The following PLEKHG1 variants were observed in gnomAD, a reference collection of about 807,000 sequenced individuals.
PLEKHG1 encodes the protein pleckstrin homology and RhoGEF domain containing G1.
A neutral mutation model predicts 100.8 loss-of-function variants in PLEKHG1; 44 were observed. The observed-to-expected ratio is 0.44, with a 90% CI of 0.34 to 0.56. The LOEUF (loss-of-function observed/expected upper bound fraction) is 0.56, where lower values mean the gene tolerates loss of function less well. Among genes scored for constraint, PLEKHG1 ranks in the 20% least tolerant of loss-of-function variants. The pLI is 0.01. For missense variants in PLEKHG1, 1,545 were observed against 1,720.9 expected, an observed-to-expected ratio of 0.90 and a Z score of 1.81; for synonymous variants, 640 against 662.5, an observed-to-expected ratio of 0.97 and a Z score of 0.52.
chr6:150,770,781 C>T (rs1368386573), intron 3 of PLEKHG1, among the ~76,000 whole-genome samples: 1 of 152,204 alleles, frequency 6.6e-6, no homozygotes, highest in Non-Finnish European at 1.5e-5. Flanking sequence ...ACAGTTTCTC[C>T]TTCCAGAGTC....
At chr6:150,784,537 A>AAGGAATACATTGGAAAT (rs1266736783) in intron 3 of PLEKHG1, among the ~76,000 whole-genome samples, 3 of 152,236 alleles carry the variant, frequency 2.0e-5, no homozygotes, top group Non-Finnish European at 4.4e-5. Context: ...CTCCCAAAGG[A>AAGGAATACATTGGAAAT]AGGAATACAT....
At chr6:150,616,397 G>T (rs547892900) in intron 1 of PLEKHG1, among the ~76,000 whole-genome samples, 7 of 152,218 alleles carry the variant, frequency 4.6e-5, no homozygotes, top group African/African-American at 1.7e-4. Context: ...ATTAGAAGAT[G>T]TGGCAGTTGG....
At chr6:150,745,093 T>C (rs1054892408) in intron 2 of PLEKHG1, among the ~76,000 whole-genome samples, 1 of 152,176 alleles carries the variant, frequency 6.6e-6, no homozygotes, top group African/African-American at 2.4e-5. Context: ...GATTTTACCA[T>C]TATACAGGCA....
chr6:150,822,150 CAAAAAAAAAAAAAAAAA>C lies in PLEKHG1; in HGVS notation c.1447+929_1447+945del, dbSNP rs58672381. Among the ~76,000 whole-genome samples the C allele has an allele frequency of 1.8e-3, 66 of 36,750 alleles. 4 individuals carry two copies. The South Asian group carries it at 0.091, about 51-fold the overall frequency. The allele number at this position is 36,750 out of a possible 152,430, so 24.1% of individuals were successfully genotyped here. On this transcript the variant is annotated intron_variant, in intron 13 of 15. Transcript: ENST00000358517. ...GCCACCACGCCCAGCCCAAAGGACTCAAAAAAAAAAAAAAAAAAAAAAAAAAAAGAATAGGGCAGTTT... is the reference window on the plus strand; with the variant it reads ...GCCACCACGCCCAGCCCAAAGGACTCAAAAAAAAAAAGAATAGGGCAGTTT...
At position 150,801,942 on chromosome 6, in the gene PLEKHG1, A is replaced by G. The variant is rs367675798; in HGVS notation, c.780+1073A>G. On this transcript the variant is annotated intron_variant, in intron 6 of 15. Transcript: ENST00000358517. The stretch of plus-strand genomic sequence containing the variant: ...ACGTTGCCCACATTCACTGTGGCTC[A>G]CAAGCACTTGATAAAAGTAAGCTAT... Among the ~76,000 whole-genome samples, 46 of 152,362 alleles carry G rather than the reference A, an allele frequency of 3.0e-4. No homozygotes were observed. The East Asian group carries it at 4.0e-3, about 13-fold the overall frequency.
intron 15 of PLEKHG1, among the ~76,000 whole-genome samples, chr6:150,834,461 C>T (rs1777122176): frequency 6.6e-6 from 1 of 152,180 alleles, no homozygotes; most frequent in African/African-American, 2.4e-5. Context: ...CAGACTACCA[C>T]TGAAAAAGTA....
At chr6:150,682,565 C>G (rs906075527) in intron 3 of PLEKHG1, among the ~76,000 whole-genome samples, 1 of 151,990 alleles carries the variant, frequency 6.6e-6, no homozygotes, top group Non-Finnish European at 1.5e-5. Context: ...AAACTCTCAC[C>G]TTTATTGCTG....
At chr6:150,622,769 A>G (rs1777355427) in intron 1 of PLEKHG1, among the ~76,000 whole-genome samples, 1 of 152,216 alleles carries the variant, frequency 6.6e-6, no homozygotes, top group South Asian at 2.1e-4. Flanking sequence ...TTGCCACTGC[A>G]GGAGATTGGA....
rs371438577 is a variant in PLEKHG1 at position 150,758,076 on chromosome 6, A to G, written c.412-10562A>G. On this transcript the variant is annotated intron_variant, in intron 2 of 15. Transcript: ENST00000358517. The stretch of plus-strand genomic sequence containing the variant: ...GTACCACATTTTCTTTATCCAGTCT[A>G]TCATTGATGGGCATTTGGGTTGATT... 1.9e-3 allele frequency among the ~76,000 whole-genome samples: 289 copies of G among 152,248 alleles called. 2 individuals carry two copies. The highest frequency in any genetic ancestry group is 6.7e-3 in the African/African-American group (278 of 41,552).
At chr6:150,801,993 T>C (rs189641564) in intron 6 of PLEKHG1, among the ~76,000 whole-genome samples, 1 of 152,202 alleles carries the variant, frequency 6.6e-6, no homozygotes, top group Non-Finnish European at 1.5e-5. Context: ...TTATGATACA[T>C]TAAAATCCCC....
At chr6:150,834,339 T>G (rs900763991) in intron 15 of PLEKHG1, among the ~76,000 whole-genome samples, 3 of 152,278 alleles carry the variant, frequency 2.0e-5, no homozygotes, top group Non-Finnish European at 4.4e-5. Context: ...TATATGGCCT[T>G]AGAAACAGTT....
At chr6:150,709,110 G>A (rs1781146565) in intron 3 of PLEKHG1, among the ~76,000 whole-genome samples, 1 of 152,180 alleles carries the variant, frequency 6.6e-6, no homozygotes, top group African/African-American at 2.4e-5. Flanking sequence ...GAGGCGGACG[G>A]AACACAAGGT....
chr6:150,649,370 A>C (rs1420551892), intron 2 of PLEKHG1, among the ~76,000 whole-genome samples: 1 of 152,232 alleles, frequency 6.6e-6, no homozygotes, highest in Non-Finnish European at 1.5e-5. Context: ...AATAATTAGC[A>C]CATTCTGTGC....
exon 16 of PLEKHG1, chr6:150,840,623 T>A (rs1426755059): frequency 2.5e-6 from 4 of 1,614,244 alleles, no homozygotes; most frequent in Non-Finnish European, 3.4e-6. Flanking sequence ...TGGAGCTATC[T>A]CACAATCGTA....
intron 1 of PLEKHG1, among the ~76,000 whole-genome samples, chr6:150,616,653 G>A (rs148704341): frequency 4.9e-4 from 74 of 152,314 alleles, no homozygotes; most frequent in African/African-American, 1.7e-3. Context: ...TTTGGCAAGG[G>A]TTGTTTACTG....
At chr6:150,791,367 C>T (rs887868782) in intron 4 of PLEKHG1, among the ~76,000 whole-genome samples, 16 of 151,908 alleles carry the variant, frequency 1.1e-4, no homozygotes, top group Admixed American at 7.9e-4. Flanking sequence ...AATAGAGGTT[C>T]GGCTTCTTTG....
intron 1 of PLEKHG1, among the ~76,000 whole-genome samples, chr6:150,633,529 T>C (rs1398267771): frequency 6.6e-6 from 1 of 152,134 alleles, no homozygotes; most frequent in African/African-American, 2.4e-5. Context: ...ATGGAGCTGC[T>C]CTCTGGGCAC....
At chr6:150,701,463 AT>A (rs1562446592) in intron 3 of PLEKHG1, among the ~76,000 whole-genome samples, 81 of 83,144 alleles carry the variant, frequency 9.7e-4, no homozygotes, top group African/African-American at 2.4e-3. Context: ...ATATATATAT[AT>A]ATAATTATAC....
At chr6:150,700,550 A>G (rs569101290) in intron 3 of PLEKHG1, among the ~76,000 whole-genome samples, 1 of 151,772 alleles carries the variant, frequency 6.6e-6, no homozygotes, top group South Asian at 2.1e-4. Flanking sequence ...TTGGTTAAAC[A>G]TATTTACCTC....
Sources: gnomAD v4.1 joint callset for allele counts (sites outside exome capture counted in the v4.1 genomes callset) on GRCh38, gnomAD v4.1.1 for gene constraint, MANE v1.5 for transcripts, NCBI Gene and HGNC (gene_info 2026-07-23, HGNC 2026-07-21) for gene names.